DUS2: variants seen among roughly 807,000 people sequenced by gnomAD.
DUS2 encodes dihydrouridine synthase 2.
In DUS2, 52 loss-of-function variants were observed where a neutral mutation model predicts 71.3. The observed-to-expected ratio is 0.73, with a 90% confidence interval of 0.58 to 0.92. The LOEUF (loss-of-function observed/expected upper bound fraction) is 0.92. Among genes scored for constraint, DUS2 ranks in the 40% least tolerant of loss-of-function variants. DUS2 has a pLI of 0.00. For synonymous variants in DUS2, 204 were observed against 227.8 expected (o/e 0.90, Z 0.94); for missense variants, 558 against 622.6 (o/e 0.90, Z 1.10).
intron 2 of DUS2, chr16:68,026,949 G>A (rs1393186199): frequency 3.5e-5 from 5 of 144,922 alleles, no homozygotes; most frequent in Non-Finnish European, 7.5e-5. Context: ...ATGAATCCTT[G>A]TTGCCTGCAG....
At chr16:68,041,125 C>A (rs1488118678) in intron 3 of DUS2, among the ~76,000 whole-genome samples, 1 of 151,916 alleles carries the variant, frequency 6.6e-6, no homozygotes, top group East Asian at 1.9e-4. Flanking sequence ...CAGCTTCAGG[C>A]TGAGGCAGGA....
chr16:68,032,583 G>A (rs1339684126), intron 2 of DUS2, among the ~76,000 whole-genome samples: 1 of 152,236 alleles, frequency 6.6e-6, no homozygotes, highest in South Asian at 2.1e-4. Flanking sequence ...CTTAGCATGG[G>A]CATGCATGAC....
intron 2 of DUS2, among the ~76,000 whole-genome samples, chr16:68,026,649 C>T (rs1460408687): frequency 4.6e-5 from 7 of 151,928 alleles, no homozygotes; most frequent in African/African-American, 7.3e-5. Flanking sequence ...GAGGCCAAGG[C>T]GGGCAGATCA....
At chr16:68,076,081 G>A (rs889271918) in intron 14 of DUS2, among the ~76,000 whole-genome samples, 10 of 152,182 alleles carry the variant, frequency 6.6e-5, no homozygotes, top group Non-Finnish European at 1.5e-4. Flanking sequence ...TGGGCAGTCA[G>A]ATGCCAGGGA....
chr16:68,040,653 A>G (rs1396960589), intron 3 of DUS2, among the ~76,000 whole-genome samples: 1 of 152,146 alleles, frequency 6.6e-6, no homozygotes, highest in African/African-American at 2.4e-5. Flanking sequence ...TTCCACCCAG[A>G]TCTGCCACCT....
chr16:68,054,586 G>A lies in DUS2; in HGVS notation c.277G>A (p.Ala93Thr), dbSNP rs756355529. The change falls in exon 6 of 17, where the codon GCA (alanine) becomes ACA (threonine). Residue 93 changes from alanine (A) to threonine (T), a missense_variant. Transcript: ENST00000565263. The part of the protein sequence containing the change: ...RVVFQMGTSD[A>T]ERALAVARLV... ...CTTGTGTTCCCAGGGGACTTCAGAC[G>A]CAGAGCGAGCCCTTGCTGTGGCCAG... 6.2e-6 allele frequency: 10 copies of A among 1,614,006 alleles called. No individual in the cohort carries two copies. The highest frequency in any genetic ancestry group is 2.2e-5 in the East Asian group (1 of 44,882).
At chr16:68,046,824 G>A (rs1373935479) in intron 3 of DUS2, among the ~76,000 whole-genome samples, 2 of 150,656 alleles carry the variant, frequency 1.3e-5, no homozygotes, top group African/African-American at 4.9e-5. Flanking sequence ...TTGGCTCACT[G>A]CAAGCTCCGC....
At chr16:68,036,796 A>G (rs537563353) in intron 2 of DUS2, among the ~76,000 whole-genome samples, 2 of 151,948 alleles carry the variant, frequency 1.3e-5, no homozygotes, top group Non-Finnish European at 2.9e-5. Context: ...ACAGTAGGCA[A>G]TCTCTTGCCT....
chr16:68,062,164 C>T (rs530930273), intron 8 of DUS2, among the ~76,000 whole-genome samples: 7 of 152,156 alleles, frequency 4.6e-5, no homozygotes, highest in Admixed American at 1.3e-4. Context: ...GCGCCCACGA[C>T]GACGCCTGGC....
chr16:68,027,046 A>G (rs1292250714), intron 2 of DUS2: 1 of 152,150 alleles, frequency 6.6e-6, no homozygotes, highest in East Asian at 1.9e-4. Flanking sequence ...TGATGGCTCC[A>G]TGCAAGTTGG....
chr16:68,076,763 T>C (rs574483247), intron 15 of DUS2, 44 bp downstream of exon 15: 1 of 1,524,974 alleles, frequency 6.6e-7, no homozygotes, highest in Non-Finnish European at 9.1e-7. Context: ...GTCACAGCAC[T>C]CCCATGGCTT....
chr16:68,053,824 T>A, intron 5 of DUS2, 169 bp downstream of exon 5: 1 of 634,708 alleles, frequency 1.6e-6, no homozygotes, highest in East Asian at 2.8e-5. Context: ...TGAGTAATTA[T>A]ACTATTGGAG....
intron 10 of DUS2, among the ~76,000 whole-genome samples, chr16:68,067,391 C>T (rs775560520): frequency 6.9e-5 from 10 of 144,170 alleles, no homozygotes; most frequent in Middle Eastern, 3.5e-3. Flanking sequence ...AAGTGATTCT[C>T]CTGCCTCAGC....
At chr16:68,055,190 C>T (rs988100889) in intron 6 of DUS2, among the ~76,000 whole-genome samples, 2 of 152,202 alleles carry the variant, frequency 1.3e-5, no homozygotes, top group Admixed American at 1.3e-4. Flanking sequence ...AAACTCCTTC[C>T]CAGGGACTCC....
intron 10 of DUS2, among the ~76,000 whole-genome samples, chr16:68,069,056 G>C (rs1023175678): frequency 6.6e-6 from 1 of 152,110 alleles, no homozygotes; most frequent in African/African-American, 2.4e-5. Context: ...CAGAGGTAGA[G>C]GCTAGGTTGA....
rs898229095 is a variant in DUS2 at position 68,023,359 on chromosome 16, G to C, written c.-99+8G>C. On this transcript the variant is annotated splice_region_variant and intron_variant, in intron 1 of 16. Coordinates refer to ENST00000565263, the MANE Select transcript of DUS2 (RefSeq NM_017803.5). ...TAAGAGTTCAGCTGCGAGGTCTGTAGCTCCGAATAGGGGATGGCGACATCC... is the reference window on the plus strand; with the variant it reads ...TAAGAGTTCAGCTGCGAGGTCTGTACCTCCGAATAGGGGATGGCGACATCC... 8.9e-6 allele frequency: 8 copies of C among 903,800 alleles called. No homozygotes were observed. The highest frequency in any genetic ancestry group is 2.8e-5 in the East Asian group (1 of 35,904). The allele number at this position is 903,800 out of a possible 1,614,324, so 56.0% of individuals were successfully genotyped here. A position where few individuals can be genotyped will look rare whatever the true frequency, so the allele number is the denominator to read the frequency against.
chr16:68,053,766 G>C, intron 5 of DUS2, 111 bp downstream of exon 5: 1 of 1,068,662 alleles, frequency 9.4e-7, no homozygotes, highest in Non-Finnish European at 1.4e-6. Flanking sequence ...ATTGTACAAC[G>C]ATGGCTTCCT....
chr16:68,046,353 A>G (rs1031169884), intron 3 of DUS2, among the ~76,000 whole-genome samples: 4 of 150,952 alleles, frequency 2.6e-5, no homozygotes, highest in Non-Finnish European at 4.4e-5. Flanking sequence ...AGCTGCATCT[A>G]TGTTGCTGTA....
At chr16:68,033,865 C>T (rs1161335887) in intron 2 of DUS2, among the ~76,000 whole-genome samples, 4 of 151,920 alleles carry the variant, frequency 2.6e-5, no homozygotes, top group African/African-American at 4.8e-5. Flanking sequence ...CTCCTGACCT[C>T]GAGTGATCCA....
Sources: allele counts gnomAD v4.1 joint callset (sites outside exome capture counted in the v4.1 genomes callset), GRCh38; gene constraint gnomAD v4.1.1; transcripts MANE v1.5; gene names NCBI Gene and HGNC (gene_info 2026-07-23, HGNC 2026-07-21).